Variants in COL15A1 observed in about 807,000 individuals in gnomAD.
COL15A1 encodes the protein collagen alpha-1(XV) chain.
A neutral mutation model predicts 165.9 loss-of-function variants in COL15A1; 111 were observed. The ratio of observed to expected loss-of-function variants is 0.67; its 90% CI spans 0.57 to 0.78. The LOEUF (loss-of-function observed/expected upper bound fraction) is 0.78. Ranked by LOEUF, COL15A1 falls within the 30% of genes least tolerant of loss-of-function variation. COL15A1 has a pLI of 0.00. For synonymous variants in COL15A1, 659 were observed against 674.8 expected, an observed-to-expected ratio of 0.98 and a Z score of 0.36; for missense variants, 1,745 against 1,789.7, an observed-to-expected ratio of 0.98 and a Z score of 0.45.
At chr9:98,970,152 C>A (rs1033538349) in intron 2 of COL15A1, among the ~76,000 whole-genome samples, 7 of 151,808 alleles carry the variant, frequency 4.6e-5, no homozygotes, top group African/African-American at 1.7e-4. Flanking sequence ...GTAAGGGCTC[C>A]GTATACAGGA....
chr9:99,018,470 A>G (rs951858997), intron 11 of COL15A1, among the ~76,000 whole-genome samples: 1 of 152,154 alleles, frequency 6.6e-6, no homozygotes, highest in African/African-American at 2.4e-5. Flanking sequence ...AAGAGCGCAT[A>G]TTGCTGACCA....
At position 98,996,345 on chromosome 9, in the gene COL15A1, A is replaced by G. The variant is rs373342082; in HGVS notation, c.805-589A>G. ...GGTGATGCTGTGACTTTTGGAGCCC[A>G]TGCTAGGATTTCTGCGTAGATCACT... On this transcript the variant is annotated intron_variant, in intron 5 of 41. Coordinates refer to ENST00000375001, the MANE Select transcript of COL15A1 (RefSeq NM_001855.5). 7.2e-5 allele frequency among the ~76,000 whole-genome samples: 11 copies of G among 152,300 alleles called. No individual in the cohort carries two copies. The South Asian group carries it at 1.5e-3, about 20-fold the overall frequency.
intron 16 of COL15A1, among the ~76,000 whole-genome samples, chr9:99,026,680 G>T (rs558005124): frequency 1.3e-5 from 2 of 152,132 alleles, no homozygotes; most frequent in Non-Finnish European, 2.9e-5. Context: ...CTCCCTGTTT[G>T]GGATGTCCTT....
chr9:98,986,456 A>G (rs1304341267), intron 3 of COL15A1: 1 of 212,244 alleles, frequency 4.7e-6, no homozygotes, highest in Non-Finnish European at 9.4e-6. Flanking sequence ...TATATAAAAG[A>G]GCAAGGTTTG....
At chr9:98,963,278 T>TCC (rs56042352) in intron 2 of COL15A1, among the ~76,000 whole-genome samples, 10 of 151,662 alleles carry the variant, frequency 6.6e-5, no homozygotes, top group South Asian at 2.1e-4. Context: ...TGCCTGCAAG[T>TCC]CCCCCCAAAC....
At chr9:98,965,748 G>A (rs529478802) in intron 2 of COL15A1, among the ~76,000 whole-genome samples, 1 of 152,180 alleles carries the variant, frequency 6.6e-6, no homozygotes, top group Non-Finnish European at 1.5e-5. Flanking sequence ...TCCCCCAGTG[G>A]GCGGGGAGTG....
intron 9 of COL15A1, among the ~76,000 whole-genome samples, chr9:99,007,784 A>G (rs1209668265): frequency 1.3e-5 from 2 of 152,214 alleles, no homozygotes; most frequent in African/African-American, 4.8e-5. Flanking sequence ...GCATGGCTTA[A>G]TTTTAGTGAT....
chr9:99,021,708 G>A (rs905849191), intron 12 of COL15A1, among the ~76,000 whole-genome samples: 14 of 152,218 alleles, frequency 9.2e-5, no homozygotes, highest in African/African-American at 3.4e-4. Context: ...AAGGTCACAC[G>A]CCCTGGTGAG....
At chr9:99,048,544 G>A (rs1035329075) in intron 28 of COL15A1, among the ~76,000 whole-genome samples, 1 of 149,100 alleles carries the variant, frequency 6.7e-6, no homozygotes, top group African/African-American at 2.4e-5. Flanking sequence ...GTTTTGTTTT[G>A]TTTTATTATT....
At chr9:99,051,321 G>A (rs897035864) in intron 30 of COL15A1, among the ~76,000 whole-genome samples, 2 of 152,100 alleles carry the variant, frequency 1.3e-5, no homozygotes, top group African/African-American at 4.8e-5. Flanking sequence ...GGGGTCGTGG[G>A]GATACCTAAA....
chr9:99,026,736 G>C (rs1839132687), intron 16 of COL15A1, among the ~76,000 whole-genome samples: 1 of 152,054 alleles, frequency 6.6e-6, no homozygotes, highest in Non-Finnish European at 1.5e-5. Flanking sequence ...CATCCTCTGG[G>C]GAGCTCTCCC....
In COL15A1 at chr9:98,993,912, G is replaced by A. The variant is rs199568234; in HGVS notation, c.805-3022G>A. ...GCCACCCTTTGAGACATGAGCCGTC[G>A]CCAGTGAACTGAATTGCAGACTTTC... On this transcript the variant is annotated intron_variant, in intron 5 of 41. Transcript: ENST00000375001. 1.1e-4 allele frequency among the ~76,000 whole-genome samples: 17 copies of A among 152,230 alleles called. 1 individual carries two copies. The South Asian group carries it at 2.5e-3, about 22-fold the overall frequency.
At chr9:98,999,842 C>A (rs1288370955) in intron 6 of COL15A1, among the ~76,000 whole-genome samples, 1 of 144,630 alleles carries the variant, frequency 6.9e-6, no homozygotes, top group East Asian at 2.1e-4. Flanking sequence ...TTCTTTGCTT[C>A]AAAAATCCAT....
chr9:98,971,901 G>A (rs373724851), intron 2 of COL15A1, among the ~76,000 whole-genome samples: 10 of 152,166 alleles, frequency 6.6e-5, no homozygotes, highest in East Asian at 3.9e-4. Flanking sequence ...TTCCTTATCC[G>A]CTGGGCCTGT....
At chr9:99,062,716 C>A (rs1207663704) in intron 38 of COL15A1, among the ~76,000 whole-genome samples, 2 of 152,214 alleles carry the variant, frequency 1.3e-5, no homozygotes, top group Non-Finnish European at 2.9e-5. Flanking sequence ...TGGGTACTAT[C>A]ATCCCCGTTT....
chr9:99,068,585 A>G lies in COL15A1; in HGVS notation c.3868A>G (p.Ile1290Val). Residue 1290 changes from isoleucine (I) to valine (V), a missense_variant, in exon 41 of 42, where the codon ATT becomes GTT. Ile to Val is a conservative substitution (Grantham distance 29). Transcript: ENST00000375001. ...GQVLFNNWDS[I>V]FSGHGGQFNM... Reference sequence around the variant, plus strand: ...AGTACTTTTTAATAATTGGGACTCAATTTTTTCTGGCCACGGAGGTCAGTT... The same window carrying G: ...AGTACTTTTTAATAATTGGGACTCAGTTTTTTCTGGCCACGGAGGTCAGTT... 6.5e-7 allele frequency: 1 copy of G among 1,543,470 alleles called. No individual in the cohort carries two copies. Among genetic ancestry groups the G allele is most frequent in the Non-Finnish European group, 8.7e-7 (1 of 1,155,144 alleles).
intron 28 of COL15A1, 56 bp downstream of exon 28, chr9:99,048,056 G>GC: frequency 1.1e-6 from 1 of 948,282 alleles, no homozygotes; most frequent in East Asian, 2.6e-5. Context: ...GTGAGAGAGT[G>GC]TGGGGTCCAC....
At chr9:98,977,679 C>A (rs762655198) in intron 2 of COL15A1, among the ~76,000 whole-genome samples, 1 of 151,476 alleles carries the variant, frequency 6.6e-6, no homozygotes, top group African/African-American at 2.4e-5. Flanking sequence ...TGCGGGCCAG[C>A]GCCTATCCAT....
chr9:99,035,392 A>C lies in COL15A1; in HGVS notation c.2263A>C (p.Lys755Gln). The change falls in exon 19 of 42, where the codon AAA (lysine) becomes CAA (glutamine). Residue 755 changes from lysine to glutamine, a missense_variant. Coordinates refer to ENST00000375001, the MANE Select transcript of COL15A1 (RefSeq NM_001855.5). ...AAGCACCCAGCTATTGAATGAACCC[A>C]AACTCTCCAGACCAACGGCTGCAAT... ...SGSTQLLNEP[K>Q]LSRPTAAIGL... 6.2e-7 allele frequency: 1 copy of C among 1,614,154 alleles called. No homozygotes were observed. The highest frequency in any genetic ancestry group is 8.5e-7 in the Non-Finnish European group (1 of 1,180,026).
Sources: gnomAD v4.1 joint callset for allele counts (sites outside exome capture counted in the v4.1 genomes callset) on GRCh38, gnomAD v4.1.1 for gene constraint, MANE v1.5 for transcripts, NCBI Gene and HGNC (gene_info 2026-07-23, HGNC 2026-07-21) for gene names.